ATF7: variants seen among roughly 807,000 people sequenced by gnomAD.
The protein encoded by ATF7 is activating transcription factor 7, also known as cyclic AMP-dependent transcription factor ATF-7.
In ATF7, 10 loss-of-function variants were observed where a neutral mutation model predicts 50.4. That is an observed-to-expected ratio of 0.20 (90% confidence interval 0.12 to 0.34). ATF7 has a LOEUF of 0.34. ATF7 is among the 10% of genes least tolerant of loss of function. The pLI is 1.00. For missense variants in ATF7, 465 were observed against 613.9 expected, an observed-to-expected ratio of 0.76 and a Z score of 2.56; for synonymous variants, 201 against 226.4, an observed-to-expected ratio of 0.89 and a Z score of 1.01.
Position 53,546,440 on chromosome 12 carries a change from T to C in ATF7, c.146-2992A>G, listed in dbSNP as rs1027707539. Among the ~76,000 whole-genome samples the C allele has an allele frequency of 5.6e-5, 8 of 142,896 alleles. No homozygotes were observed. The East Asian group carries it at 1.4e-3, about 25-fold the overall frequency. The allele number at this position is 142,896 out of a possible 152,430, so 93.7% of individuals were successfully genotyped here. On this transcript the variant is annotated intron_variant, in intron 3 of 11. Transcript: ENST00000420353. ...TGGCTGTTGAAAATTAAGATGATGT[T>C]TTCTTTTCTTTCTTTCTTTTTTTTT...
At chr12:53,552,771 C>T (rs1427385263) in intron 2 of ATF7, 134 bp from the exon 3 acceptor site, 2 of 692,046 alleles carry the variant, frequency 2.9e-6, no homozygotes, top group Non-Finnish European at 5.0e-6. Flanking sequence ...GGAGAAAAAA[C>T]TGGAAGAGGA....
intron 4 of ATF7, among the ~76,000 whole-genome samples, chr12:53,538,456 T>C (rs1939348136): frequency 6.6e-6 from 1 of 152,122 alleles, no homozygotes; most frequent in Admixed American, 6.5e-5. Flanking sequence ...GATCATCTGA[T>C]TGGTGAAATA....
intron 4 of ATF7, 35 bp from the exon 5 acceptor site, chr12:53,537,587 T>G: frequency 6.2e-7 from 1 of 1,606,004 alleles, no homozygotes; most frequent in Non-Finnish European, 8.5e-7. Flanking sequence ...AGTTTAACCC[T>G]ATGATTCCTT....
chr12:53,616,800 C>A (rs894607834), intron 1 of ATF7, among the ~76,000 whole-genome samples: 3 of 151,580 alleles, frequency 2.0e-5, no homozygotes, highest in African/African-American at 7.3e-5. Flanking sequence ...AAAAAATTAG[C>A]CAGGTGTAGC....
intron 1 of ATF7, among the ~76,000 whole-genome samples, chr12:53,603,401 A>G (rs1943479087): frequency 6.6e-6 from 1 of 152,132 alleles, no homozygotes; most frequent in Non-Finnish European, 1.5e-5. Flanking sequence ...AAACAAAAAC[A>G]AAAAAATTTG....
At chr12:53,621,125 G>C (rs1429803759) in intron 1 of ATF7, among the ~76,000 whole-genome samples, 1 of 152,192 alleles carries the variant, frequency 6.6e-6, no homozygotes, top group African/African-American at 2.4e-5. Flanking sequence ...TAGGAGTTCA[G>C]AGATGTCAGA....
chr12:53,528,473 A>G (rs1938626453), intron 9 of ATF7, among the ~76,000 whole-genome samples: 1 of 151,718 alleles, frequency 6.6e-6, no homozygotes, highest in Non-Finnish European at 1.5e-5. Flanking sequence ...ACTAAAATAC[A>G]AAAAATTGGC....
intron 1 of ATF7, among the ~76,000 whole-genome samples, chr12:53,625,176 T>G (rs1036723599): frequency 6.6e-6 from 1 of 152,110 alleles, no homozygotes; most frequent in East Asian, 1.9e-4. Context: ...TCAGAGAACA[T>G]AACAAGCAAT....
chr12:53,619,498 A>G (rs1360070007), intron 1 of ATF7, among the ~76,000 whole-genome samples: 1 of 150,632 alleles, frequency 6.6e-6, no homozygotes, highest in Admixed American at 6.6e-5. Flanking sequence ...AAAAAAAAAA[A>G]AAAAAGAAAA....
chr12:53,598,299 C>CA (rs1943249456), intron 2 of ATF7, among the ~76,000 whole-genome samples: 1 of 152,172 alleles, frequency 6.6e-6, no homozygotes, highest in South Asian at 2.1e-4. Flanking sequence ...AAAGTTTTGA[C>CA]ATGCAAAGGG....
At chr12:53,543,778 T>C in intron 3 of ATF7, 1 of 248,864 alleles carries the variant, frequency 4.0e-6, no homozygotes, top group Non-Finnish European at 7.7e-6. Context: ...GACACAGTTT[T>C]GTGAAACCTC....
At chr12:53,620,664 G>A (rs1944344142) in intron 1 of ATF7, among the ~76,000 whole-genome samples, 1 of 151,512 alleles carries the variant, frequency 6.6e-6, no homozygotes, top group South Asian at 2.1e-4. Context: ...GCTAAGGCCT[G>A]AGAATTGCTT....
chr12:53,549,179 C>A (rs566732049), intron 3 of ATF7, among the ~76,000 whole-genome samples: 77 of 148,740 alleles, frequency 5.2e-4, no homozygotes, highest in African/African-American at 1.8e-3. Flanking sequence ...CCCAGCTACT[C>A]GGGAGGCTGA....
chr12:53,537,129 G>A (rs1939270524), intron 5 of ATF7, among the ~76,000 whole-genome samples: 1 of 151,368 alleles, frequency 6.6e-6, no homozygotes, highest in Non-Finnish European at 1.5e-5. Flanking sequence ...GGGTGCAGTG[G>A]AGCAATCACA....
At chr12:53,613,255 T>TAAAAC (rs10696202) in intron 1 of ATF7, among the ~76,000 whole-genome samples, 83,148 of 151,512 alleles carry the variant, frequency 0.55, 23,591 homozygotes, top group East Asian at 0.96. Context: ...TTCAAATACT[T>TAAAAC]AAAATGACAT....
intron 3 of ATF7, among the ~76,000 whole-genome samples, chr12:53,547,949 T>C (rs1024530899): frequency 6.6e-6 from 1 of 152,114 alleles, no homozygotes; most frequent in Admixed American, 6.5e-5. Context: ...CACAGCTCAC[T>C]GCAGCCTCGA....
Position 53,515,083 on chromosome 12 carries a change from T to G in ATF7, c.*2054A>C. 1 of 152,228 alleles carries G rather than the reference T, an allele frequency of 6.6e-6. No homozygotes were observed. The highest frequency in any genetic ancestry group is 6.5e-5 in the Admixed American group (1 of 15,284). The allele number at this position is 152,228 out of a possible 1,614,324, so 9.4% of individuals were successfully genotyped here. A position where few individuals can be genotyped will look rare whatever the true frequency, so the allele number is the denominator to read the frequency against. On this transcript the variant is annotated 3_prime_UTR_variant, in exon 12 of 12. Coordinates refer to ENST00000420353, the MANE Select transcript of ATF7 (RefSeq NM_006856.3). ...CCTGACCATCTGCCATAACATTTGCTAGTCTGAATCACTTCAGGGCCTATT... is the reference window on the plus strand; with the variant it reads ...CCTGACCATCTGCCATAACATTTGCGAGTCTGAATCACTTCAGGGCCTATT...
intron 1 of ATF7, among the ~76,000 whole-genome samples, chr12:53,601,617 TC>T (rs920167315): frequency 6.6e-6 from 1 of 152,058 alleles, no homozygotes; most frequent in African/African-American, 2.4e-5. Flanking sequence ...AGCCTCCTCC[TC>T]CCCCCACCAA....
chr12:53,542,811 C>T lies in ATF7; in HGVS notation c.264+519G>A, dbSNP rs538861445. 1.2e-4 allele frequency: 68 copies of T among 551,900 alleles called. No homozygotes were observed. In the African/African-American group the frequency reaches 1.3e-3, roughly 11 times the overall value. The allele number at this position is 551,900 out of a possible 1,614,324, so 34.2% of individuals were successfully genotyped here. A position where few individuals can be genotyped will look rare whatever the true frequency, so the allele number is the denominator to read the frequency against. ...TCCTTTGAAAGACAGTAGGAACATC[C>T]TTCTTTATCTTTAATGCTTTGAATA... is the stretch of plus-strand genomic sequence containing the variant. On this transcript the variant is annotated intron_variant, in intron 4 of 11. Transcript: ENST00000420353.
Sources: allele counts gnomAD v4.1 joint callset (sites outside exome capture counted in the v4.1 genomes callset), GRCh38; gene constraint gnomAD v4.1.1; transcripts MANE v1.5; gene names NCBI Gene and HGNC (gene_info 2026-07-23, HGNC 2026-07-21).